Variants in YES1 observed in about 807,000 individuals in gnomAD.
YES1 encodes tyrosine-protein kinase Yes.
A neutral mutation model predicts 70.4 loss-of-function variants in YES1; 39 were observed. That is an observed-to-expected ratio of 0.55 (90% CI 0.43 to 0.72). YES1 has a LOEUF of 0.72. Ranked by LOEUF, YES1 falls within the 30% of genes least tolerant of loss-of-function variation. The pLI is 0.00. For missense variants in YES1, 495 were observed against 644.8 expected (o/e 0.77, Z 2.52); for synonymous variants, 198 against 218.6 (o/e 0.91, Z 0.83).
chr18:800,861 A>G (rs1363209774), intron 1 of YES1, among the ~76,000 whole-genome samples: 2 of 151,990 alleles, frequency 1.3e-5, no homozygotes, highest in African/African-American at 2.4e-5. Context: ...AAAAATAAAA[A>G]CAAAGGCTGG....
chr18:768,596 C>A (rs1243405299), intron 1 of YES1, among the ~76,000 whole-genome samples: 1 of 152,210 alleles, frequency 6.6e-6, no homozygotes. Flanking sequence ...TCATGTGCAG[C>A]GTAACATTTT....
At chr18:799,198 T>C (rs573630501) in intron 1 of YES1, among the ~76,000 whole-genome samples, 4 of 152,210 alleles carry the variant, frequency 2.6e-5, no homozygotes, top group Non-Finnish European at 5.9e-5. Context: ...GTCTAACTTG[T>C]GTAACTACCA....
intron 1 of YES1, among the ~76,000 whole-genome samples, chr18:803,421 A>G (rs1906926044): frequency 6.6e-6 from 1 of 152,236 alleles, no homozygotes; most frequent in African/African-American, 2.4e-5. Context: ...TAAAAAAAGC[A>G]CAGAGAAGGT....
rs138399395 is a variant in YES1, at chr18:732,167, G to A, written c.1423+667C>T. Among the ~76,000 whole-genome samples, 8 of 151,268 alleles carry A rather than the reference G, an allele frequency of 5.3e-5. No individual in the cohort carries two copies. In the East Asian group the frequency reaches 9.9e-4, roughly 19 times the overall value. On this transcript the variant is annotated intron_variant, in intron 11 of 11. Coordinates refer to ENST00000314574, the MANE Select transcript of YES1 (RefSeq NM_005433.4). ...TAAAAAAATATACCATGATGGGCAC[G>A]GTGGCTCACGCCTGTAATCCCAGCA...
chr18:775,188 C>G (rs891858732), intron 1 of YES1: 4 of 152,104 alleles, frequency 2.6e-5, no homozygotes, highest in East Asian at 1.9e-4. Context: ...AAAAAACACA[C>G]CTAACATAGT....
intron 2 of YES1, among the ~76,000 whole-genome samples, chr18:752,044 A>G (rs1478163176): frequency 6.6e-6 from 1 of 152,226 alleles, no homozygotes; most frequent in African/African-American, 2.4e-5. Context: ...AACTCTCCGA[A>G]GACCTTCCAT....
rs574089545 is a variant in YES1 at position 769,110 on chromosome 18, CTAGGTATA to C, written c.-8-12283_-8-12276del. Among the ~76,000 whole-genome samples, 118 of 152,224 alleles carry C rather than the reference CTAGGTATA, an allele frequency of 7.8e-4. 1 individual carries two copies. The highest frequency in any genetic ancestry group is 1.2e-3 in the South Asian group (6 of 4,828). ...GGAGCCATAGGCTATACCATATAGC[CTAGGTATA>C]TAGGTATATAGGTATAATAGGCTGT... On this transcript the variant is annotated intron_variant, in intron 1 of 11. Transcript: ENST00000314574.
chr18:796,352 T>C (rs904806753), intron 1 of YES1, among the ~76,000 whole-genome samples: 1 of 152,194 alleles, frequency 6.6e-6, no homozygotes, highest in Non-Finnish European at 1.5e-5. Flanking sequence ...CTGTGAGAAA[T>C]GAGTTAGCTA....
intron 4 of YES1, among the ~76,000 whole-genome samples, chr18:746,747 C>G (rs1031069627): frequency 2.8e-4 from 42 of 152,100 alleles, no homozygotes; most frequent in African/African-American, 9.2e-4. Flanking sequence ...CTGGTTTAAC[C>G]TAAAAGTAGT....
intron 1 of YES1, among the ~76,000 whole-genome samples, chr18:803,658 G>C (rs545897187): frequency 7.9e-5 from 12 of 152,306 alleles, no homozygotes; most frequent in African/African-American, 2.9e-4. Context: ...GGGAGAATCT[G>C]AGTCTCCTAA....
intron 11 of YES1, among the ~76,000 whole-genome samples, chr18:728,128 G>C (rs2080043688): frequency 6.6e-6 from 1 of 152,098 alleles, no homozygotes; most frequent in Admixed American, 6.6e-5. Flanking sequence ...TTGAGCCTAG[G>C]ATTTTGAGAC....
chr18:737,087 C>G (rs1055833656), intron 9 of YES1, 126 bp from the exon 10 acceptor site: 7 of 785,734 alleles, frequency 8.9e-6, no homozygotes, highest in Admixed American at 5.8e-5. Flanking sequence ...ATGATGGTAA[C>G]AGGGTATAGT....
chr18:748,343 T>G (rs935845729), intron 3 of YES1, among the ~76,000 whole-genome samples: 2 of 139,950 alleles, frequency 1.4e-5, no homozygotes, highest in Admixed American at 1.6e-4. Context: ...ATCTTTCAAA[T>G]TACTCAGTAT....
At chr18:729,619 CTTTTTTT>C (rs869223956) in intron 11 of YES1, among the ~76,000 whole-genome samples, 11 of 75,384 alleles carry the variant, frequency 1.5e-4, no homozygotes, top group Non-Finnish European at 2.3e-4. Context: ...TGATTTTGAA[CTTTTTTT>C]TTTTTTTTTT....
At chr18:807,144 G>A (rs546296473) in intron 1 of YES1, among the ~76,000 whole-genome samples, 1 of 152,080 alleles carries the variant, frequency 6.6e-6, no homozygotes, top group Non-Finnish European at 1.5e-5. Flanking sequence ...CTCCAGTCTG[G>A]CCAACATGGT....
At chr18:781,358 C>A (rs1905659352) in intron 1 of YES1, among the ~76,000 whole-genome samples, 2 of 151,736 alleles carry the variant, frequency 1.3e-5, no homozygotes, top group African/African-American at 2.4e-5. Flanking sequence ...CTCAAATGTA[C>A]CATACTGTTT....
intron 1 of YES1, chr18:787,997 G>C (rs2145810704): frequency 6.6e-6 from 1 of 152,284 alleles, no homozygotes; most frequent in Admixed American, 6.5e-5. Flanking sequence ...CTGGGAGACA[G>C]GAAAACAGCA....
At chr18:804,609 CAAA>C (rs57896154) in intron 1 of YES1, among the ~76,000 whole-genome samples, 2 of 38,770 alleles carry the variant, frequency 5.2e-5, no homozygotes, top group East Asian at 7.4e-4. Flanking sequence ...GACTGAGTCT[CAAA>C]AAAAAAAAAA....
intron 6 of YES1, among the ~76,000 whole-genome samples, chr18:744,433 AG>A (rs1390287301): frequency 6.7e-6 from 1 of 149,592 alleles, no homozygotes; most frequent in East Asian, 1.9e-4. Flanking sequence ...TCTGTCGCCC[AG>A]GATGGAGTGC....
Sources: gnomAD v4.1 joint callset for allele counts (sites outside exome capture counted in the v4.1 genomes callset) on GRCh38, gnomAD v4.1.1 for gene constraint, MANE v1.5 for transcripts, NCBI Gene and HGNC (gene_info 2026-07-23, HGNC 2026-07-21) for gene names.